The following TPTE variants were observed in gnomAD, a reference collection of about 807,000 sequenced individuals.
TPTE encodes putative tyrosine-protein phosphatase TPTE.
TPTE carries 59 observed loss-of-function variants against 84.1 expected under a neutral mutation model. That is an observed-to-expected ratio of 0.70 (90% CI 0.57 to 0.87). The LOEUF is 0.87. Ranked by LOEUF, TPTE falls within the 40% of genes least tolerant of loss-of-function variation. The probability of loss-of-function intolerance (pLI) is 0.00; values close to 1 mark genes in which losing one functional copy is unlikely to be tolerated. For missense variants in TPTE, 382 were observed against 659.6 expected (o/e 0.58, Z 4.61); for synonymous variants, 130 against 223.5 (o/e 0.58, Z 3.73).
At chr21:10,585,822 T>G (rs2075353966) in intron 17 of TPTE, among the ~76,000 whole-genome samples, 1 of 152,310 alleles carries the variant, frequency 6.6e-6, no homozygotes, top group African/African-American at 2.4e-5. Context: ...TAGATTATAG[T>G]TTTCCCAGCA....
At chr21:10,583,784 C>T (rs2075310918) in intron 17 of TPTE, among the ~76,000 whole-genome samples, 1 of 152,308 alleles carries the variant, frequency 6.6e-6, no homozygotes, top group South Asian at 2.1e-4. Flanking sequence ...CCAGTTATTC[C>T]AGCACACTGG....
At chr21:10,590,796 A>T (rs1326973019) in intron 18 of TPTE, among the ~76,000 whole-genome samples, 2 of 152,310 alleles carry the variant, frequency 1.3e-5, no homozygotes, top group Non-Finnish European at 2.9e-5. Flanking sequence ...TAATTAAAAT[A>T]AATAATTTTA....
chr21:10,522,745 C>T (rs1399694978), intron 1 of TPTE, among the ~76,000 whole-genome samples: 1 of 152,304 alleles, frequency 6.6e-6, no homozygotes, highest in Non-Finnish European at 1.5e-5. Flanking sequence ...TTTTAATTCG[C>T]ACATAATAAA....
chr21:10,546,009 G>A lies in TPTE; in HGVS notation c.173+2627G>A, dbSNP rs1404294683. Among the ~76,000 whole-genome samples, 3 of 152,398 alleles carry A rather than the reference G, an allele frequency of 2.0e-5. No individual in the cohort carries two copies. The South Asian group carries it at 6.2e-4, about 32-fold the overall frequency. Reference sequence around the variant, plus strand: ...AGTTTATATATACATATATGTGTGTGTATATGCAGGTATATCTTGTTTTAT... The same window carrying A: ...AGTTTATATATACATATATGTGTGTATATATGCAGGTATATCTTGTTTTAT... On this transcript the variant is annotated intron_variant, in intron 7 of 23. Coordinates refer to ENST00000618007, the MANE Select transcript of TPTE (RefSeq NM_199261.4).
At chr21:10,531,233 T>C (rs2074173079) in intron 3 of TPTE, among the ~76,000 whole-genome samples, 3 of 152,298 alleles carry the variant, frequency 2.0e-5, no homozygotes. Flanking sequence ...ATGTCGGAGG[T>C]GGGGCCTAAT....
chr21:10,576,830 C>CAT (rs2075161814), intron 14 of TPTE, among the ~76,000 whole-genome samples: 5 of 126,808 alleles, frequency 3.9e-5, no homozygotes, highest in Non-Finnish European at 6.7e-5. Flanking sequence ...AAAGGTTATA[C>CAT]ATATATACAT....
At chr21:10,573,609 G>A (rs2075089440) in intron 14 of TPTE, among the ~76,000 whole-genome samples, 2 of 152,278 alleles carry the variant, frequency 1.3e-5, no homozygotes, top group Admixed American at 6.5e-5. Flanking sequence ...TATTTGAGGT[G>A]ATAGATATGC....
intron 14 of TPTE, among the ~76,000 whole-genome samples, chr21:10,573,041 G>C (rs527702642): frequency 6.6e-6 from 1 of 151,690 alleles, no homozygotes; most frequent in Admixed American, 6.5e-5. Flanking sequence ...AAAAGATATA[G>C]AGTTGGCTGC....
intron 1 of TPTE, among the ~76,000 whole-genome samples, chr21:10,524,077 G>A (rs1349185742): frequency 6.6e-6 from 1 of 152,310 alleles, no homozygotes; most frequent in Non-Finnish European, 1.5e-5. Context: ...AGAGCGCTAG[G>A]ATTCTGTTTG....
In TPTE at chr21:10,575,565, G is replaced by A. The variant is rs375515009; in HGVS notation, c.796-1895G>A. On this transcript the variant is annotated intron_variant, in intron 14 of 23. Transcript: ENST00000618007. ...CTGATCCCATGCCTCCTGACTGGGT[G>A]AGAATGCCCAACAGGGGTCTCCAGC... Among the ~76,000 whole-genome samples the A allele has an allele frequency of 1.8e-3, 275 of 151,822 alleles. No homozygotes were observed. The East Asian group carries it at 0.021, about 12-fold the overall frequency.
At chr21:10,555,823 G>C (rs1486150931) in intron 8 of TPTE, among the ~76,000 whole-genome samples, 2 of 152,296 alleles carry the variant, frequency 1.3e-5, no homozygotes, top group Admixed American at 6.5e-5. Flanking sequence ...TAAATGTTTA[G>C]AAAACATAAT....
chr21:10,555,023 A>C (rs1321986509), intron 8 of TPTE, among the ~76,000 whole-genome samples: 1 of 152,312 alleles, frequency 6.6e-6, no homozygotes, highest in African/African-American at 2.4e-5. Context: ...CCAGTGGGAG[A>C]GATAGCACCT....
At chr21:10,548,690 A>T (rs548193548) in intron 7 of TPTE, among the ~76,000 whole-genome samples, 1 of 152,418 alleles carries the variant, frequency 6.6e-6, no homozygotes, top group African/African-American at 2.4e-5. Flanking sequence ...AGTCCAGCTT[A>T]GCAGCTATGC....
intron 17 of TPTE, among the ~76,000 whole-genome samples, chr21:10,581,226 T>C (rs2075265727): frequency 6.6e-6 from 1 of 152,310 alleles, no homozygotes; most frequent in African/African-American, 2.4e-5. Flanking sequence ...TACTTAAGAA[T>C]ATAGAGGTTG....
chr21:10,595,165 C>T (rs2075557881), intron 19 of TPTE, among the ~76,000 whole-genome samples: 1 of 152,310 alleles, frequency 6.6e-6, no homozygotes, highest in Non-Finnish European at 1.5e-5. Context: ...GCCTCAGCCT[C>T]CCAAGTGGCT....
intron 14 of TPTE, among the ~76,000 whole-genome samples, chr21:10,576,897 C>T (rs2075165735): frequency 6.7e-6 from 1 of 149,836 alleles, no homozygotes; most frequent in African/African-American, 2.4e-5. Flanking sequence ...TTTATAGGTA[C>T]ACATATATCT....
chr21:10,605,387 T>G, intron 23 of TPTE, 30 bp from the exon 24 acceptor site: 2 of 1,609,736 alleles, frequency 1.2e-6, no homozygotes, highest in African/African-American at 2.7e-5. Context: ...AGCCCCAATA[T>G]AAAATGTAAT....
At chr21:10,540,628 T>C (rs1430783138) in intron 4 of TPTE, 19 of 518,784 alleles carry the variant, frequency 3.7e-5, no homozygotes, top group East Asian at 1.1e-4. Context: ...TCTACCGTTA[T>C]GTGAGGCTGA....
chr21:10,523,594 A>G (rs1208107314), intron 1 of TPTE, among the ~76,000 whole-genome samples: 187 of 152,352 alleles, frequency 1.2e-3, no homozygotes, highest in African/African-American at 4.1e-3. Context: ...AATGATTTCC[A>G]ATTTCATCCA....
Sources: allele counts gnomAD v4.1 joint callset (sites outside exome capture counted in the v4.1 genomes callset), GRCh38; gene constraint gnomAD v4.1.1; transcripts MANE v1.5; gene names NCBI Gene and HGNC (gene_info 2026-07-23, HGNC 2026-07-21).